THSD4: variants seen among roughly 807,000 people sequenced by gnomAD.
THSD4 encodes thrombospondin type-1 domain-containing protein 4.
In THSD4, 69 loss-of-function variants were observed where a neutral mutation model predicts 119.0. That is an observed-to-expected ratio of 0.58 (90% CI 0.48 to 0.71). THSD4 has a LOEUF of 0.71. Ranked by LOEUF, THSD4 falls within the 30% of genes least tolerant of loss-of-function variation. The pLI, the probability that THSD4 is intolerant of heterozygous loss-of-function variation, is 0.00. For missense variants in THSD4, 1,393 were observed against 1,391.1 expected (o/e 1.00, Z -0.02); for synonymous variants, 524 against 540.4 (o/e 0.97, Z 0.42).
At chr15:71,320,230 A>G (rs186589696) in intron 6 of THSD4, among the ~76,000 whole-genome samples, 2 of 152,324 alleles carry the variant, frequency 1.3e-5, no homozygotes, top group Admixed American at 1.3e-4. Context: ...TCTCAGTTTA[A>G]TGGTACAATT....
At chr15:71,401,988 A>G (rs140125577) in intron 6 of THSD4, among the ~76,000 whole-genome samples, 5,606 of 152,104 alleles carry the variant, frequency 0.037, 341 homozygotes, top group African/African-American at 0.13. Flanking sequence ...CATTCTGAGC[A>G]AACTGTCTCA....
intron 4 of THSD4, among the ~76,000 whole-genome samples, chr15:71,221,571 T>C (rs936487549): frequency 8.5e-5 from 13 of 152,228 alleles, no homozygotes; most frequent in African/African-American, 3.1e-4. Context: ...CTTATTTCAC[T>C]CAACATAATG....
intron 7 of THSD4, among the ~76,000 whole-genome samples, chr15:71,568,639 G>T (rs1360458030): frequency 6.8e-6 from 1 of 147,260 alleles, no homozygotes; most frequent in African/African-American, 2.5e-5. Flanking sequence ...TGTGCACAAC[G>T]TGCTAGTTTG....
intron 8 of THSD4, among the ~76,000 whole-genome samples, chr15:71,675,393 C>T (rs1378913077): frequency 6.6e-6 from 1 of 152,214 alleles, no homozygotes; most frequent in Non-Finnish European, 1.5e-5. Flanking sequence ...CTGTGCTCTT[C>T]CCGGTGAGGC....
chr15:71,392,293 G>T (rs2046388985), intron 6 of THSD4, among the ~76,000 whole-genome samples: 1 of 152,140 alleles, frequency 6.6e-6, no homozygotes, highest in African/African-American at 2.4e-5. Flanking sequence ...CTAGTTTCAC[G>T]GGAGAAGAGG....
chr15:71,124,943 C>T (rs1334434688), intron 1 of THSD4, among the ~76,000 whole-genome samples: 2 of 151,964 alleles, frequency 1.3e-5, no homozygotes, highest in African/African-American at 4.8e-5. Flanking sequence ...GTGGTGTGCA[C>T]CTGTGGTCCC....
In THSD4 at chr15:71,771,075, C is replaced by T; in HGVS notation, c.2781C>T (p.Ser927=). ...TTGTTCCCATGCAGTGTTCCAAGAGCTGCCAGGGTGGCTTTCGGGTCCGGG... is the reference window on the plus strand; with the variant it reads ...TTGTTCCCATGCAGTGTTCCAAGAGTTGCCAGGGTGGCTTTCGGGTCCGGG... The part of the protein sequence containing the change: ...FSTEWSMCSK[S]CQGGFRVREV... The change falls in exon 17 of 18, where the codon AGC becomes AGT. Residue 927 remains serine (S), a synonymous_variant. Transcript: ENST00000261862. The T allele has an allele frequency of 6.2e-7, 1 of 1,614,096 alleles. No individual in the cohort carries two copies. The highest frequency in any genetic ancestry group is 8.5e-7 in the Non-Finnish European group (1 of 1,179,962).
At chr15:71,525,763 GCATCT>G (rs901803964) in intron 7 of THSD4, among the ~76,000 whole-genome samples, 2 of 152,162 alleles carry the variant, frequency 1.3e-5, no homozygotes, top group African/African-American at 2.4e-5. Flanking sequence ...TACATTCTTT[GCATCT>G]CATCTCATCT....
chr15:71,716,373 A>G (rs1180594057), intron 8 of THSD4, among the ~76,000 whole-genome samples: 2 of 152,128 alleles, frequency 1.3e-5, no homozygotes, highest in African/African-American at 4.8e-5. Flanking sequence ...TTTTGGGAGG[A>G]CACTATTCAA....
chr15:71,700,959 G>C (rs914606499), intron 8 of THSD4, among the ~76,000 whole-genome samples: 1 of 152,036 alleles, frequency 6.6e-6, no homozygotes, highest in African/African-American at 2.4e-5. Flanking sequence ...TTTAAATTTT[G>C]TGGTGAGGAG....
intron 7 of THSD4, among the ~76,000 whole-genome samples, chr15:71,490,377 G>A (rs943837780): frequency 6.6e-6 from 1 of 152,034 alleles, no homozygotes; most frequent in Non-Finnish European, 1.5e-5. Flanking sequence ...TGGCTAACAC[G>A]GTGAAACCCC....
chr15:71,761,545 T>C (rs149885840), intron 15 of THSD4, among the ~76,000 whole-genome samples: 129 of 152,328 alleles, frequency 8.5e-4, no homozygotes, highest in Admixed American at 1.4e-3. Context: ...CCTTTAAAAA[T>C]ATAGAATTCA....
intron 6 of THSD4, among the ~76,000 whole-genome samples, chr15:71,372,005 T>C (rs999021199): frequency 5.9e-5 from 9 of 152,028 alleles, no homozygotes; most frequent in South Asian, 2.1e-4. Flanking sequence ...TCTAAACTTC[T>C]CTTCTCGCTT....
At chr15:71,301,408 ATATATTT>A (rs2044949144) in intron 6 of THSD4, among the ~76,000 whole-genome samples, 1 of 152,080 alleles carries the variant, frequency 6.6e-6, no homozygotes. Flanking sequence ...ATTTATCATA[ATATATTT>A]TATTATTTTA....
At chr15:71,737,612 T>C (rs2053138744) in intron 10 of THSD4, 120 bp from the exon 11 acceptor site, 2 of 1,354,930 alleles carry the variant, frequency 1.5e-6, no homozygotes, top group East Asian at 2.5e-5. Context: ...GATGTGCTTA[T>C]GTGCTGTGAC....
intron 7 of THSD4, among the ~76,000 whole-genome samples, chr15:71,413,358 C>A (rs1283076335): frequency 6.6e-6 from 1 of 152,190 alleles, no homozygotes; most frequent in Non-Finnish European, 1.5e-5. Flanking sequence ...TTATTATTAG[C>A]TATAGTCACC....
intron 4 of THSD4, among the ~76,000 whole-genome samples, chr15:71,240,838 C>CATAT (rs10692341): frequency 4.4e-5 from 6 of 137,152 alleles, no homozygotes; most frequent in South Asian, 2.3e-4. Flanking sequence ...CACACACACA[C>CATAT]ATATATACAT....
At chr15:71,330,785 C>T (rs894021376) in intron 6 of THSD4, among the ~76,000 whole-genome samples, 1 of 152,198 alleles carries the variant, frequency 6.6e-6, no homozygotes, top group Non-Finnish European at 1.5e-5. Flanking sequence ...CTCACTTTCT[C>T]TCTCTGCCTC....
At chr15:71,298,255 A>G (rs2044893058) in intron 6 of THSD4, among the ~76,000 whole-genome samples, 1 of 152,170 alleles carries the variant, frequency 6.6e-6, no homozygotes, top group African/African-American at 2.4e-5. Context: ...TCATAGATAC[A>G]AGGATTTCTC....
Sources: allele counts gnomAD v4.1 joint callset (sites outside exome capture counted in the v4.1 genomes callset), GRCh38; gene constraint gnomAD v4.1.1; transcripts MANE v1.5; gene names NCBI Gene and HGNC (gene_info 2026-07-23, HGNC 2026-07-21).